The following LRRC3B variants were observed in gnomAD, a reference collection of about 807,000 sequenced individuals.
The protein encoded by LRRC3B is leucine rich repeat containing 3B.
LRRC3B carries 2 observed loss-of-function variants against 12.8 expected under a neutral mutation model. The ratio of observed to expected loss-of-function variants is 0.16; its 90% confidence interval spans 0.06 to 0.49. The LOEUF is 0.49. Among genes scored for constraint, LRRC3B ranks in the 20% least tolerant of loss-of-function variants. The pLI is 0.96. For synonymous variants in LRRC3B, 132 were observed against 122.0 expected (o/e 1.08, Z -0.54); for missense variants, 189 against 319.4 (o/e 0.59, Z 3.11).
intron 1 of LRRC3B, among the ~76,000 whole-genome samples, chr3:26,632,381 T>C (rs1260778229): frequency 2.6e-5 from 4 of 152,156 alleles, no homozygotes; most frequent in Non-Finnish European, 5.9e-5. Context: ...TGTTTAGCAA[T>C]GGGCAGGTCT....
intron 1 of LRRC3B, among the ~76,000 whole-genome samples, chr3:26,636,039 C>T (rs80124863): frequency 0.027 from 4,177 of 152,198 alleles, 152 homozygotes; most frequent in East Asian, 0.13. Flanking sequence ...GCTCACCCCA[C>T]GGTGATATAA....
chr3:26,635,074 C>A (rs757547241), intron 1 of LRRC3B, among the ~76,000 whole-genome samples: 5 of 152,100 alleles, frequency 3.3e-5, no homozygotes, highest in Non-Finnish European at 7.3e-5. Flanking sequence ...AGTTTTGGCT[C>A]CACTGCAGAA....
intron 1 of LRRC3B, among the ~76,000 whole-genome samples, chr3:26,672,373 T>G (rs1298117098): frequency 1.3e-5 from 2 of 152,216 alleles, no homozygotes; most frequent in Non-Finnish European, 2.9e-5. Flanking sequence ...TCTTAATGGC[T>G]TAGTAAGACT....
At chr3:26,659,060 T>C (rs1351082137) in intron 1 of LRRC3B, among the ~76,000 whole-genome samples, 1 of 152,216 alleles carries the variant, frequency 6.6e-6, no homozygotes, top group African/African-American at 2.4e-5. Flanking sequence ...AAATATATTC[T>C]TATGTTAAAA....
intron 1 of LRRC3B, among the ~76,000 whole-genome samples, chr3:26,684,562 A>G (rs1700033511): frequency 6.6e-6 from 1 of 152,210 alleles, no homozygotes; most frequent in African/African-American, 2.4e-5. Context: ...GAAGTCCAAG[A>G]TCTAGGTGCT....
chr3:26,675,113 C>T (rs781401885), intron 1 of LRRC3B, among the ~76,000 whole-genome samples: 32 of 152,174 alleles, frequency 2.1e-4, no homozygotes, highest in Middle Eastern at 3.4e-3. Context: ...TATGTCTTCC[C>T]GGTGTGGTTC....
At chr3:26,676,821 A>G (rs575830728) in intron 1 of LRRC3B, among the ~76,000 whole-genome samples, 2 of 152,326 alleles carry the variant, frequency 1.3e-5, no homozygotes, top group East Asian at 3.9e-4. Context: ...CACAATAGCA[A>G]AGACTTGGAA....
chr3:26,643,190 G>A (rs1030905366), intron 1 of LRRC3B, among the ~76,000 whole-genome samples: 3 of 152,072 alleles, frequency 2.0e-5, no homozygotes, highest in African/African-American at 7.2e-5. Context: ...ATGGTTGTAA[G>A]AGGACTTGGG....
At chr3:26,648,926 CA>C (rs972390839) in intron 1 of LRRC3B, among the ~76,000 whole-genome samples, 2 of 152,144 alleles carry the variant, frequency 1.3e-5, no homozygotes, top group African/African-American at 4.8e-5. Flanking sequence ...TGAGGCAACT[CA>C]AAAATAAGAA....
chr3:26,657,103 A>T (rs527718100), intron 1 of LRRC3B, among the ~76,000 whole-genome samples: 8 of 152,324 alleles, frequency 5.3e-5, no homozygotes, highest in South Asian at 4.1e-4. Flanking sequence ...TAAATATCAG[A>T]GGTATATAAA....
chr3:26,646,624 A>AC (rs1699154625), intron 1 of LRRC3B, among the ~76,000 whole-genome samples: 1 of 105,408 alleles, frequency 9.5e-6, no homozygotes, highest in Non-Finnish European at 2.2e-5. Context: ...AAAAAAAAAA[A>AC]AAAAAAAAAA....
In LRRC3B at chr3:26,701,101, AACTC is replaced by A. The variant is rs1700442115; in HGVS notation, c.-160-8410_-160-8407del. 4 of 152,306 alleles carry A rather than the reference AACTC, an allele frequency of 2.6e-5. No individual in the cohort carries two copies. In the South Asian group the frequency reaches 8.3e-4, roughly 32 times the overall value. The allele number at this position is 152,306 out of a possible 1,614,324, so 9.4% of individuals were successfully genotyped here. A position where few individuals can be genotyped will look rare whatever the true frequency, so the allele number is the denominator to read the frequency against. ...TGTCCTAATATTATTTTAAGTCACA[AACTC>A]AGTTAATTTAAACCAAAATAAAAAT... is the stretch of plus-strand genomic sequence containing the variant. On this transcript the variant is annotated intron_variant, in intron 1 of 1. Coordinates refer to ENST00000396641, the Ensembl canonical transcript of LRRC3B.
intron 1 of LRRC3B, among the ~76,000 whole-genome samples, chr3:26,680,456 C>G (rs1298747527): frequency 6.6e-6 from 1 of 152,156 alleles, no homozygotes; most frequent in Non-Finnish European, 1.5e-5. Context: ...ATGCCACAAG[C>G]AAAGAAAGAC....
intron 1 of LRRC3B, among the ~76,000 whole-genome samples, chr3:26,669,119 A>C (rs4973740): frequency 0.33 from 50,193 of 152,220 alleles, 9,502 homozygotes; most frequent in Middle Eastern, 0.46. Flanking sequence ...CTGAATTTAG[A>C]ATAGCTTGCT....
chr3:26,651,746 G>T (rs1244059875), intron 1 of LRRC3B, among the ~76,000 whole-genome samples: 1 of 152,068 alleles, frequency 6.6e-6, no homozygotes, highest in Non-Finnish European at 1.5e-5. Context: ...CTTTTTCCTA[G>T]CCTTACAAAT....
intron 1 of LRRC3B, among the ~76,000 whole-genome samples, chr3:26,671,365 T>TAGAGAGAG (rs1466620108): frequency 6.2e-4 from 27 of 43,450 alleles, no homozygotes; most frequent in South Asian, 1.8e-3. Context: ...TATATATATA[T>TAGAGAGAG]ATATATATAG....
intron 1 of LRRC3B, among the ~76,000 whole-genome samples, chr3:26,683,375 C>T (rs1455258022): frequency 6.6e-6 from 1 of 152,164 alleles, no homozygotes; most frequent in Non-Finnish European, 1.5e-5. Flanking sequence ...ATTGGCAAAG[C>T]CAGATTTCAG....
At chr3:26,649,832 G>T (rs1431213438) in intron 1 of LRRC3B, among the ~76,000 whole-genome samples, 1 of 152,086 alleles carries the variant, frequency 6.6e-6, no homozygotes, top group Non-Finnish European at 1.5e-5. Context: ...GTGCTATTCT[G>T]TGCTCATCTT....
chr3:26,647,853 G>C (rs1699185435), intron 1 of LRRC3B, among the ~76,000 whole-genome samples: 1 of 152,168 alleles, frequency 6.6e-6, no homozygotes, highest in African/African-American at 2.4e-5. Flanking sequence ...GCTTCAGAGG[G>C]AGACTGTTAA....
Sources: allele counts gnomAD v4.1 joint callset (sites outside exome capture counted in the v4.1 genomes callset), GRCh38; gene constraint gnomAD v4.1.1; transcripts MANE v1.5; gene names NCBI Gene and HGNC (gene_info 2026-07-23, HGNC 2026-07-21).